Variants in GNPDA1 observed in about 807,000 individuals in gnomAD.
The protein encoded by GNPDA1 is GNPDA 1.
Under a neutral mutation model 28.5 loss-of-function variants are expected in GNPDA1, and 24 were observed. That is an observed-to-expected ratio of 0.84 (90% CI 0.61 to 1.19). The LOEUF is 1.19. Ranked by LOEUF, GNPDA1 falls within the 50% of genes most tolerant of loss-of-function variation. The pLI, the probability that GNPDA1 is intolerant of heterozygous loss-of-function variation, is 0.00. For missense variants in GNPDA1, 264 were observed against 367.3 expected, an observed-to-expected ratio of 0.72 and a Z score of 2.30; for synonymous variants, 147 against 139.3, an observed-to-expected ratio of 1.06 and a Z score of -0.39.
chr5:142,002,253 A>G (rs924290953), intron 6 of GNPDA1, 124 bp from the exon 7 acceptor site: 9 of 602,468 alleles, frequency 1.5e-5, no homozygotes, highest in Non-Finnish European at 2.6e-5. Context: ...TCTTTTCTCT[A>G]TGATCCCCAA....
At chr5:142,006,473 A>C in intron 3 of GNPDA1, 147 bp from the exon 4 acceptor site, 1 of 603,238 alleles carries the variant, frequency 1.7e-6, no homozygotes, top group Non-Finnish European at 2.9e-6. Context: ...TCTGACCCCT[A>C]GCCACTCGGC....
At position 142,004,932 on chromosome 5, in the gene GNPDA1, C is replaced by A; in HGVS notation, c.594G>T (p.Glu198Asp). 6.3e-7 allele frequency: 1 copy of A among 1,592,500 alleles called. No individual in the cohort carries two copies. Among genetic ancestry groups the A allele is most frequent in the Non-Finnish European group, 8.6e-7 (1 of 1,162,574 alleles). ...GCTGGTGGGGCCCTTATGCCCTTAC[C>A]TCTCTAGCATCCATGACAGTGCCCA... ...VGVGTVMDAR[E>D]VMILITGAHK... The change falls in exon 5 of 7, where the codon GAG becomes GAT. Residue 198 changes from glutamate to aspartate, a missense_variant and splice_region_variant. Transcript: ENST00000311337.
rs528542810 is a variant in GNPDA1 at position 142,010,835 on chromosome 5, GT to G, written c.124+1076del. 2.0e-3 allele frequency among the ~76,000 whole-genome samples: 292 copies of G among 148,508 alleles called. 2 individuals are homozygous for G. Among genetic ancestry groups the G allele is most frequent in the Middle Eastern group, 7.0e-3 (2 of 286 alleles). On this transcript the variant is annotated intron_variant, in intron 2 of 6. Coordinates refer to ENST00000311337, the MANE Select transcript of GNPDA1 (RefSeq NM_005471.5). ...GGCCTGGTTTTTACATTTTTAAATA[GT>G]TTTTTTTTTAATTAAAGAAGAATAA...
chr5:142,005,165 T>G, intron 4 of GNPDA1, 49 bp from the exon 5 acceptor site: 1 of 1,409,110 alleles, frequency 7.1e-7, no homozygotes, highest in Non-Finnish European at 9.8e-7. Context: ...GGATCCAAGA[T>G]TTCAAGAATG....
In GNPDA1 at chr5:142,006,595, G is replaced by T. The variant is rs566225788; in HGVS notation, c.227-269C>A. On this transcript the variant is annotated intron_variant, in intron 3 of 6. Coordinates refer to ENST00000311337, the MANE Select transcript of GNPDA1 (RefSeq NM_005471.5). ...AGGGCCTGGGAAATCCCCACATTCTGATCTGATCTGCTTTTCATAAGGCAA... is the reference window on the plus strand; with the variant it reads ...AGGGCCTGGGAAATCCCCACATTCTTATCTGATCTGCTTTTCATAAGGCAA... Among the ~76,000 whole-genome samples the T allele has an allele frequency of 4.8e-4, 57 of 119,272 alleles. 2 individuals are homozygous for T. The South Asian group carries it at 0.013, about 27-fold the overall frequency. The allele number at this position is 119,272 out of a possible 152,430, so 78.2% of individuals were successfully genotyped here.
At chr5:142,011,234 C>CAAAAAAAAAAAAAAAAAAAAAAAAAAAA (rs35952167) in intron 2 of GNPDA1, among the ~76,000 whole-genome samples, 1 of 115,584 alleles carries the variant, frequency 8.7e-6, no homozygotes, top group Non-Finnish European at 1.8e-5. Context: ...CAAGGAAGAC[C>CAAAAAAAAAAAAAAAAAAAAAAAAAAAA]AAAAAAAAAA....
chr5:142,006,568 C>G (rs943298654), intron 3 of GNPDA1, among the ~76,000 whole-genome samples: 10 of 152,110 alleles, frequency 6.6e-5, no homozygotes, highest in African/African-American at 2.4e-4. Flanking sequence ...AACTGCACAC[C>G]AAGGGCCTGG....
At chr5:142,010,164 T>A (rs1024187891) in intron 2 of GNPDA1, among the ~76,000 whole-genome samples, 1 of 150,206 alleles carries the variant, frequency 6.7e-6, no homozygotes, top group Non-Finnish European at 1.5e-5. Context: ...CTGCGGCCTT[T>A]ATTTTTTATT....
At chr5:142,010,939 T>C (rs934470761) in intron 2 of GNPDA1, among the ~76,000 whole-genome samples, 4 of 152,120 alleles carry the variant, frequency 2.6e-5, no homozygotes, top group Non-Finnish European at 4.4e-5. Context: ...ACCATACTCA[T>C]TCACTTATAT....
chr5:142,006,242 G>T lies in GNPDA1; in HGVS notation c.311C>A (p.Thr104Asn). ...FKHIDIHPEN[T>N]HILDGNAVDL... ...GACTGCATTCCCATCCAGAATGTGG[G>T]TGTTTTCTGGGTGGATGTCAATGTG... Residue 104 changes from threonine to asparagine, a missense_variant, in exon 4 of 7, where the codon ACC becomes AAC. By Grantham distance (65) the Thr-to-Asn change is moderately conservative (BLOSUM62 0). Coordinates refer to ENST00000311337, the MANE Select transcript of GNPDA1 (RefSeq NM_005471.5). The T allele has an allele frequency of 6.2e-7, 1 of 1,613,410 alleles. No individual in the cohort carries two copies. The highest frequency in any genetic ancestry group is 8.5e-7 in the Non-Finnish European group (1 of 1,179,292).
At chr5:142,006,038 G>C in intron 4 of GNPDA1, 106 bp downstream of exon 4, 2 of 903,076 alleles carry the variant, frequency 2.2e-6, no homozygotes, top group South Asian at 3.2e-5. Flanking sequence ...TGTCTCTACG[G>C]TCACTAGCAC....
chr5:142,003,392 T>G lies in GNPDA1; in HGVS notation c.595-130A>C, dbSNP rs929062170. The G allele has an allele frequency of 1.7e-5, 10 of 593,042 alleles. No individual in the cohort carries two copies. The highest frequency in any genetic ancestry group is 2.6e-5 in the Non-Finnish European group (9 of 341,038). The allele number at this position is 593,042 out of a possible 1,614,324, so 36.7% of individuals were successfully genotyped here. ...CAACATACTTTTGCTCAGTGCTCCC[T>G]GTGCTTTATCACACAAATAACCCGA... On this transcript the variant is annotated intron_variant, in intron 5 of 6. Coordinates refer to ENST00000311337, the MANE Select transcript of GNPDA1 (RefSeq NM_005471.5). This position sits in a 1 kb window ranked among gnomAD's most constrained non-coding sequence, Gnocchi z 4.0.
intron 6 of GNPDA1, among the ~76,000 whole-genome samples, chr5:142,002,820 G>A (rs1755708293): frequency 1.3e-5 from 2 of 152,122 alleles, no homozygotes; most frequent in Admixed American, 6.6e-5. Context: ...AAAACCTGAG[G>A]CTTAATGGCA....
intron 6 of GNPDA1, among the ~76,000 whole-genome samples, chr5:142,002,402 CTACT>C (rs1755697007): frequency 1.3e-5 from 2 of 152,126 alleles, no homozygotes; most frequent in African/African-American, 4.8e-5. Flanking sequence ...CCTAATTGAC[CTACT>C]TGAGTAAAAG....
Position 142,007,610 on chromosome 5 carries a change from G to A in GNPDA1, c.226+189C>T, listed in dbSNP as rs536317584. Among the ~76,000 whole-genome samples the A allele has an allele frequency of 2.0e-5, 3 of 152,260 alleles. No homozygotes were observed. In the East Asian group the frequency reaches 5.8e-4, roughly 29 times the overall value. On this transcript the variant is annotated intron_variant, in intron 3 of 6. Coordinates refer to ENST00000311337, the MANE Select transcript of GNPDA1 (RefSeq NM_005471.5). ...CATAAAAGGATTAAATGAATTTAATGCTTACAACCTGTGAGGTCAGCTTTA... is the reference window on the plus strand; with the variant it reads ...CATAAAAGGATTAAATGAATTTAATACTTACAACCTGTGAGGTCAGCTTTA...
rs145633767 is a variant in GNPDA1, at chr5:142,012,328, A to G, written c.-6-287T>C. 3.2e-3 allele frequency: 902 copies of G among 278,010 alleles called. 4 individuals are homozygous for G. Among genetic ancestry groups the G allele is most frequent in the Non-Finnish European group, 5.3e-3 (765 of 145,240 alleles). The allele number at this position is 278,010 out of a possible 1,614,324, so 17.2% of individuals were successfully genotyped here. A position where few individuals can be genotyped will look rare whatever the true frequency, so the allele number is the denominator to read the frequency against. ...GGTCAAAGGACCTAAGTTCTCTCTG[A>G]GCCGTTTCCTCCTATGTAAAAATTG... On this transcript the variant is annotated intron_variant, in intron 1 of 6. Coordinates refer to ENST00000311337, the MANE Select transcript of GNPDA1 (RefSeq NM_005471.5).
chr5:142,007,754 C>T (rs1047965084), intron 3 of GNPDA1, 45 bp downstream of exon 3: 2 of 1,146,532 alleles, frequency 1.7e-6, no homozygotes, highest in African/African-American at 1.5e-5. Context: ...GGAGGAGCAT[C>T]ACTCTCCTAG....
At chr5:142,010,960 CTTTT>C (rs1005137481) in intron 2 of GNPDA1, among the ~76,000 whole-genome samples, 2 of 151,864 alleles carry the variant, frequency 1.3e-5, no homozygotes, top group Middle Eastern at 3.4e-3. Flanking sequence ...ATTGTCTTTT[CTTTT>C]TTTGAGACAG....
intron 4 of GNPDA1, 35 bp from the exon 5 acceptor site, chr5:142,005,151 C>A: frequency 1.3e-6 from 2 of 1,506,386 alleles, no homozygotes; most frequent in South Asian, 2.4e-5. Flanking sequence ...CCTGTCAGTC[C>A]CAGGGATCCA....
Sources: allele counts gnomAD v4.1 joint callset (sites outside exome capture counted in the v4.1 genomes callset), GRCh38; gene constraint gnomAD v4.1.1; non-coding constraint Gnocchi (gnomAD v3.1); transcripts MANE v1.5; gene names NCBI Gene and HGNC (gene_info 2026-07-23, HGNC 2026-07-21).